WASHC1: variants seen among roughly 807,000 people sequenced by gnomAD.
WASHC1 encodes the protein WASH complex subunit 1, also known as CXYorf1-like protein on chromosome 9.
A neutral mutation model predicts 26.1 loss-of-function variants in WASHC1; 11 were observed. That is an observed-to-expected ratio of 0.42 (90% confidence interval 0.27 to 0.70). The LOEUF is 0.70. Among genes scored for constraint, WASHC1 ranks in the 30% least tolerant of loss-of-function variants. The pLI is 0.24. For synonymous variants in WASHC1, 37 were observed against 126.6 expected (o/e 0.29, Z 4.75); for missense variants, 96 against 304.9 (o/e 0.31, Z 5.10).
intron 2 of WASHC1, among the ~76,000 whole-genome samples, chr9:20,758 AG>A (rs1289927847): frequency 9.7e-6 from 1 of 103,446 alleles, no homozygotes; most frequent in Non-Finnish European, 1.8e-5. Flanking sequence ...AGGTGAAGAA[AG>A]ACCTGGAAAC....
intron 1 of WASHC1, chr9:28,726 G>T (rs1817526915): frequency 4.1e-5 from 5 of 121,136 alleles, no homozygotes; most frequent in Non-Finnish European, 3.4e-5. Flanking sequence ...TTGCATCTAT[G>T]AAGTTTTTTC....
chr9:17,405 GTC>G lies in WASHC1; in HGVS notation c.618_619del (p.Glu206AspfsTer7), dbSNP rs1816494206. ...GGGGGCATCAAACAGCTTCTCCTCT[GTC>G]TCTGCCCCCAGCATCACATGGGTCT... On this transcript the variant is annotated frameshift_variant, in exon 6 of 11. Transcript: ENST00000442898. LOFTEE classifies it high-confidence loss of function. 1 of 587,608 alleles carries G rather than the reference GTC, an allele frequency of 1.7e-6. No individual in the cohort carries two copies. The highest frequency in any genetic ancestry group is 3.1e-6 in the Non-Finnish European group (1 of 326,698). 36.4% of individuals were successfully genotyped at this position (587,608 alleles called of 1,614,324 possible).
At chr9:22,220 G>A (rs1394121611) in intron 2 of WASHC1, among the ~76,000 whole-genome samples, 5 of 146,328 alleles carry the variant, frequency 3.4e-5, no homozygotes, top group African/African-American at 1.4e-4. Flanking sequence ...TAGTCCCCTG[G>A]CCCCATTAAT....
At chr9:17,187 ATG>A (rs754717239) in intron 6 of WASHC1, 21 bp from the exon 7 acceptor site, 7 of 1,247,804 alleles carry the variant, frequency 5.6e-6, no homozygotes, top group Non-Finnish European at 6.5e-6. Context: ...AGGCAGGGAC[ATG>A]TGAGAGGTGA....
intron 1 of WASHC1, 70 bp from the exon 1 acceptor site, chr9:29,526 C>T (rs1226449606): frequency 7.2e-5 from 8 of 111,310 alleles, no homozygotes; most frequent in African/African-American, 3.2e-4. Context: ...GGGCAGGACC[C>T]CCAGCCCACG....
At chr9:14,830 C>G (rs1316422264) in exon 11 of WASHC1, 2 of 1,510,262 alleles carry the variant, frequency 1.3e-6, no homozygotes, top group African/African-American at 3.0e-5. Flanking sequence ...TCGTCCTCGT[C>G]CTCCTCTGCC....
chr9:21,881 C>T lies in WASHC1; in HGVS notation c.149+2970G>A, dbSNP rs1287928815. ...TGTGCTTCCCATGCAGAAGCACCCC[C>T]CTCCCACCCCTGTGCAGGCCGGCCT... is the stretch of plus-strand genomic sequence containing the variant. On this transcript the variant is annotated intron_variant, in intron 2 of 10. Coordinates refer to ENST00000442898, the Ensembl canonical transcript of WASHC1. 4.7e-5 allele frequency among the ~76,000 whole-genome samples: 7 copies of T among 150,206 alleles called. No individual in the cohort carries two copies. In the East Asian group the frequency reaches 1.0e-3, roughly 21 times the overall value.
Position 14,827 on chromosome 9 carries a change from C to T in WASHC1, c.1378G>A (p.Glu460Lys), listed in dbSNP as rs760624892. 3.1e-5 allele frequency: 48 copies of T among 1,525,672 alleles called. 1 individual carries two copies. Among genetic ancestry groups the T allele is most frequent in the Middle Eastern group, 4.8e-4 (2 of 4,180 alleles). 94.5% of individuals were successfully genotyped at this position (1,525,672 alleles called of 1,614,324 possible). A position where few individuals can be genotyped will look rare whatever the true frequency, so the allele number is the denominator to read the frequency against. The stretch of plus-strand genomic sequence containing the variant: ...GCCCCCTACGATTCCCAGTCGTCCT[C>T]GTCCTCCTCTGCCTGTGGCTGCTGC... Residue 460 changes from glutamate (E) to lysine (K), a missense_variant, in exon 11 of 11, where the codon GAG becomes AAG. Physicochemically the swap from Glu to Lys is moderately conservative, Grantham distance 56 (BLOSUM62 1). Around this residue, in one of 4 missense-constraint regions of WASHC1, gnomAD observed 54 missense variants for 93.9 expected, o/e 0.58. Coordinates refer to ENST00000442898, the Ensembl canonical transcript of WASHC1.
intron 9 of WASHC1, 137 bp from the exon 10 acceptor site, chr9:15,286 G>A: frequency 1.2e-5 from 3 of 256,488 alleles, no homozygotes; most frequent in South Asian, 2.6e-5. Flanking sequence ...CTCAGTCGAT[G>A]CCTGACCCAG....
In WASHC1 at chr9:17,001, TG is replaced by T; in HGVS notation, c.846del (p.Thr283ProfsTer6). On this transcript the variant is annotated frameshift_variant, in exon 7 of 11. Coordinates refer to ENST00000442898, the Ensembl canonical transcript of WASHC1. LOFTEE classifies it high-confidence loss of function. ...GGCTCGGCTACCTCAGTGTGGAAGGTGGGCAGTTCTGGAATGGTGCCAGGGG... is the reference window on the plus strand; with the variant it reads ...GGCTCGGCTACCTCAGTGTGGAAGGTGGCAGTTCTGGAATGGTGCCAGGGG... 1 of 1,385,848 alleles carries T rather than the reference TG, an allele frequency of 7.2e-7. No individual in the cohort carries two copies. Among genetic ancestry groups the T allele is most frequent in the Non-Finnish European group, 9.5e-7 (1 of 1,050,762 alleles). 85.8% of individuals were successfully genotyped at this position (1,385,848 alleles called of 1,614,324 possible). A position where few individuals can be genotyped will look rare whatever the true frequency, so the allele number is the denominator to read the frequency against.
intron 8 of WASHC1, 21 bp from the exon 9 acceptor site, chr9:16,082 A>T (rs1167901442): frequency 8.2e-7 from 1 of 1,220,892 alleles, no homozygotes; most frequent in Non-Finnish European, 1.2e-6. Flanking sequence ...GAGGTGGGGA[A>T]CAGGGCAAGG....
chr9:15,756 C>T (rs1174116407), intron 9 of WASHC1, among the ~76,000 whole-genome samples, 153 bp downstream of exon 9: 6 of 118,626 alleles, frequency 5.1e-5, no homozygotes, highest in African/African-American at 1.5e-4. Flanking sequence ...CCTCTGGTGG[C>T]GGCCCAGGGC....
chr9:28,659 C>T (rs1333184921), intron 1 of WASHC1: 1 of 120,622 alleles, frequency 8.3e-6, no homozygotes, highest in Non-Finnish European at 1.7e-5. Context: ...GTTAACTCTT[C>T]AATGCATTCC....
At chr9:23,521 C>T (rs1373036753) in intron 2 of WASHC1, among the ~76,000 whole-genome samples, 5 of 114,518 alleles carry the variant, frequency 4.4e-5, no homozygotes, top group African/African-American at 2.0e-4. Context: ...CGGGGCAAGC[C>T]GGTGAGTCAG....
intron 1 of WASHC1, among the ~76,000 whole-genome samples, chr9:27,289 T>G (rs201021909): frequency 6.0e-5 from 5 of 83,110 alleles, no homozygotes; most frequent in East Asian, 3.7e-4. Context: ...CAATCATCCT[T>G]GGGGAAGTAC....
exon 11 of WASHC1, chr9:14,856 G>T (rs768115944): frequency 8.4e-6 from 12 of 1,432,834 alleles, no homozygotes; most frequent in African/African-American, 1.8e-5. Flanking sequence ...CTGCTGCGGT[G>T]GCGGCAAAGG....
intron 2 of WASHC1, among the ~76,000 whole-genome samples, chr9:19,739 CCTT>C (rs1816721596): frequency 1.1e-5 from 1 of 89,090 alleles, no homozygotes; most frequent in Non-Finnish European, 2.0e-5. Context: ...ACTCCTGGCT[CCTT>C]GTGTGCAGGG....
intron 8 of WASHC1, 42 bp from the exon 9 acceptor site, chr9:16,103 G>A (rs528100838): frequency 3.9e-6 from 3 of 763,572 alleles, no homozygotes; most frequent in East Asian, 5.3e-5. Context: ...AGGAAAGGCT[G>A]CTCAGGCAGG....
intron 2 of WASHC1, among the ~76,000 whole-genome samples, chr9:22,262 G>C (rs1324121842): frequency 6.8e-6 from 1 of 146,856 alleles, no homozygotes; most frequent in Admixed American, 6.6e-5. Context: ...GACCAAGCCA[G>C]GTGGGATGGG....
Sources: allele counts gnomAD v4.1 joint callset (sites outside exome capture counted in the v4.1 genomes callset), GRCh38; gene constraint gnomAD v4.1.1; regional missense constraint gnomAD v4.1.1; transcripts MANE v1.5; gene names NCBI Gene and HGNC (gene_info 2026-07-23, HGNC 2026-07-21).